ARHGAP22: variants seen among roughly 807,000 people sequenced by gnomAD.
ARHGAP22 encodes Rho GTPase activating protein 22.
A neutral mutation model predicts 59.1 loss-of-function variants in ARHGAP22; 48 were observed. The ratio of observed to expected loss-of-function variants is 0.81; its 90% CI spans 0.64 to 1.03. ARHGAP22 has a LOEUF of 1.03. Ranked by LOEUF, ARHGAP22 falls within the 50% of genes least tolerant of loss-of-function variation. The pLI, the probability that ARHGAP22 is intolerant of heterozygous loss-of-function variation, is 0.00. For synonymous variants in ARHGAP22, 445 were observed against 416.4 expected (o/e 1.07, Z -0.84); for missense variants, 1,015 against 958.7 (o/e 1.06, Z -0.78).
chr10:48,550,340 G>T (rs1258562604), intron 3 of ARHGAP22, among the ~76,000 whole-genome samples: 1 of 152,208 alleles, frequency 6.6e-6, no homozygotes, highest in Non-Finnish European at 1.5e-5. Flanking sequence ...AGGGTAGGAA[G>T]GTGTCTTTCT....
intron 1 of ARHGAP22, among the ~76,000 whole-genome samples, chr10:48,642,503 A>G (rs2062094257): frequency 6.6e-6 from 1 of 152,248 alleles, no homozygotes; most frequent in Admixed American, 6.5e-5. Flanking sequence ...TTCCCTATTT[A>G]ATAAATGGTG....
chr10:48,447,788 A>G (rs1175198971), intron 9 of ARHGAP22, among the ~76,000 whole-genome samples: 1 of 152,072 alleles, frequency 6.6e-6, no homozygotes, highest in African/African-American at 2.4e-5. Flanking sequence ...GCCCTGGTGC[A>G]CTCTTGGTGA....
In ARHGAP22 at chr10:48,586,625, A is replaced by G. The variant is rs117968649; in HGVS notation, c.35-3473T>C. On this transcript the variant is annotated intron_variant, in intron 1 of 9. Coordinates refer to ENST00000249601, the MANE Select transcript of ARHGAP22 (RefSeq NM_021226.4). The stretch of plus-strand genomic sequence containing the variant: ...TGTATTACACCAAACAATTATGCCA[A>G]TGTGCCACTTTCCCCATCACTACCA... Among the ~76,000 whole-genome samples, 1,178 of 152,320 alleles carry G rather than the reference A, an allele frequency of 7.7e-3. 8 individuals are homozygous for G. Among genetic ancestry groups the G allele is most frequent in the Non-Finnish European group, 0.012 (785 of 68,018 alleles).
intron 3 of ARHGAP22, among the ~76,000 whole-genome samples, chr10:48,501,045 A>G (rs2051465051): frequency 6.6e-6 from 1 of 152,214 alleles, no homozygotes; most frequent in African/African-American, 2.4e-5. Context: ...ATGAAAGTTA[A>G]AAATAGTTGC....
chr10:48,511,902 G>C (rs2052806833), intron 3 of ARHGAP22, among the ~76,000 whole-genome samples: 1 of 152,214 alleles, frequency 6.6e-6, no homozygotes, highest in African/African-American at 2.4e-5. Flanking sequence ...GACTGTGACA[G>C]GCTGAAGAAC....
downstream of ARHGAP22, among the ~76,000 whole-genome samples, chr10:48,442,372 C>T (rs1459422664): frequency 6.6e-6 from 1 of 152,236 alleles, no homozygotes. Context: ...AGGCTCGGCT[C>T]AGCACCCTGG....
chr10:48,631,654 G>C (rs1407982530), intron 1 of ARHGAP22, among the ~76,000 whole-genome samples: 1 of 152,112 alleles, frequency 6.6e-6, no homozygotes, highest in African/African-American at 2.4e-5. Flanking sequence ...AGTATTCCCA[G>C]TTCCTCCATC....
At chr10:48,499,965 A>G (rs2134351921) in intron 3 of ARHGAP22, among the ~76,000 whole-genome samples, 1 of 152,360 alleles carries the variant, frequency 6.6e-6, no homozygotes, top group South Asian at 2.1e-4. Flanking sequence ...GTTGATTCTT[A>G]AGGTTCATAA....
At chr10:48,604,426 C>T (rs1029998506) in intron 1 of ARHGAP22, among the ~76,000 whole-genome samples, 3 of 152,246 alleles carry the variant, frequency 2.0e-5, no homozygotes, top group Non-Finnish European at 4.4e-5. Context: ...TGGGCATTTC[C>T]TTTTTAGTAA....
At chr10:48,633,910 C>T (rs2061714748) in intron 1 of ARHGAP22, among the ~76,000 whole-genome samples, 1 of 152,158 alleles carries the variant, frequency 6.6e-6, no homozygotes, top group Non-Finnish European at 1.5e-5. Flanking sequence ...TGCGGGATGC[C>T]CTGACTCCTG....
At chr10:48,465,580 C>T (rs932061450) in intron 4 of ARHGAP22, among the ~76,000 whole-genome samples, 1 of 152,204 alleles carries the variant, frequency 6.6e-6, no homozygotes, top group Non-Finnish European at 1.5e-5. Context: ...TTCTGCCTGC[C>T]CCTGAGTCCC....
intron 1 of ARHGAP22, among the ~76,000 whole-genome samples, chr10:48,622,677 C>G (rs2061324129): frequency 1.3e-5 from 2 of 152,336 alleles, no homozygotes; most frequent in South Asian, 2.1e-4. Context: ...GCCACTTTAT[C>G]TCTTTGTGCC....
At chr10:48,485,129 T>A (rs749793259) in intron 3 of ARHGAP22, among the ~76,000 whole-genome samples, 6 of 152,236 alleles carry the variant, frequency 3.9e-5, no homozygotes. Flanking sequence ...GCCTGCAGGT[T>A]GTAGGTTGCC....
intron 1 of ARHGAP22, chr10:48,624,221 C>T (rs912479024): frequency 3.9e-5 from 6 of 152,328 alleles, no homozygotes; most frequent in African/African-American, 1.4e-4. Context: ...GTGCAGATCA[C>T]CTGAGGTCAG....
chr10:48,648,399 T>C (rs958687123), intron 1 of ARHGAP22, among the ~76,000 whole-genome samples: 1 of 152,066 alleles, frequency 6.6e-6, no homozygotes, highest in African/African-American at 2.4e-5. Context: ...GGGACAGAGT[T>C]GTGAGCAGAG....
chr10:48,647,907 C>T (rs186478239), intron 1 of ARHGAP22, among the ~76,000 whole-genome samples: 108 of 152,280 alleles, frequency 7.1e-4, no homozygotes, highest in African/African-American at 2.4e-3. Context: ...ACCCTCAAAA[C>T]GTTATGCTAC....
the ARHGAP22 span, chr10:48,436,848 T>TA: frequency 3.9e-5 from 6 of 152,340 alleles, no homozygotes; most frequent in African/African-American, 1.4e-4. Context: ...TTAGGCAAAT[T>TA]AGAGTTCTAA....
At chr10:48,632,909 A>G (rs922581032) in intron 1 of ARHGAP22, among the ~76,000 whole-genome samples, 31 of 152,306 alleles carry the variant, frequency 2.0e-4, no homozygotes, top group African/African-American at 7.0e-4. Flanking sequence ...CAGAAGCCAG[A>G]GTCTTTCCAT....
chr10:48,533,752 TAGC>T (rs1342475572), intron 3 of ARHGAP22, among the ~76,000 whole-genome samples: 1 of 152,230 alleles, frequency 6.6e-6, no homozygotes, highest in Non-Finnish European at 1.5e-5. Flanking sequence ...TTATGTACAA[TAGC>T]AGGTGGCAAG....
Sources: allele counts gnomAD v4.1 joint callset (sites outside exome capture counted in the v4.1 genomes callset), GRCh38; gene constraint gnomAD v4.1.1; transcripts MANE v1.5; gene names NCBI Gene and HGNC (gene_info 2026-07-23, HGNC 2026-07-21).